CNTN5: variants seen among roughly 807,000 people sequenced by gnomAD.
CNTN5 encodes contactin-5.
Under a neutral mutation model 129.1 loss-of-function variants are expected in CNTN5, and 77 were observed. The observed-to-expected ratio is 0.60, with a 90% CI of 0.50 to 0.72. The LOEUF is 0.72. Among genes scored for constraint, CNTN5 ranks in the 30% least tolerant of loss-of-function variants. The probability of loss-of-function intolerance (pLI) is 0.00; values close to 1 mark genes in which losing one functional copy is unlikely to be tolerated. For synonymous variants in CNTN5, 509 were observed against 465.6 expected (o/e 1.09, Z -1.20); for missense variants, 1,478 against 1,328.8 (o/e 1.11, Z -1.75).
Position 99,846,129 on chromosome 11 carries a change from G to GACACACACACACACACACAC in CNTN5, c.577+880_577+899dup, listed in dbSNP as rs10650307. ...TATTGTATGTGGCTATACGGACATA[G>GACACACACACACACACACAC]ACACACACACACACACACACACACA... On this transcript the variant is annotated intron_variant, in intron 6 of 24. Transcript: ENST00000524871. 8.6e-4 allele frequency among the ~76,000 whole-genome samples: 124 copies of GACACACACACACACACACAC among 144,718 alleles called. 3 individuals carry two copies. Among genetic ancestry groups the GACACACACACACACACACAC allele is most frequent in the Middle Eastern group, 3.6e-3 (1 of 280 alleles). 94.9% of individuals were successfully genotyped at this position (144,718 alleles called of 152,430 possible). A position where few individuals can be genotyped will look rare whatever the true frequency, so the allele number is the denominator to read the frequency against.
chr11:99,522,373 G>C (rs1947304750), intron 2 of CNTN5, among the ~76,000 whole-genome samples: 1 of 151,990 alleles, frequency 6.6e-6, no homozygotes, highest in Admixed American at 6.6e-5. Flanking sequence ...TGAAGTATCA[G>C]GAACTAAGTG....
chr11:99,285,452 T>G (rs1303682135), intron 1 of CNTN5, among the ~76,000 whole-genome samples: 2 of 152,186 alleles, frequency 1.3e-5, no homozygotes, highest in Non-Finnish European at 2.9e-5. Flanking sequence ...GATTCATATT[T>G]GAATGTGTGC....
intron 3 of CNTN5, among the ~76,000 whole-genome samples, chr11:99,698,929 A>C (rs1272139810): frequency 5.0e-5 from 7 of 140,898 alleles, no homozygotes; most frequent in African/African-American, 1.8e-4. Context: ...AAAAAAAAAA[A>C]CTTGATTCTG....
At chr11:99,893,441 G>T (rs970318614) in intron 6 of CNTN5, among the ~76,000 whole-genome samples, 1 of 152,070 alleles carries the variant, frequency 6.6e-6, no homozygotes, top group Non-Finnish European at 1.5e-5. Flanking sequence ...AGAAAAAAAA[G>T]TTTGCGTTCA....
At chr11:100,201,579 C>T (rs1948777999) in intron 15 of CNTN5, among the ~76,000 whole-genome samples, 1 of 151,892 alleles carries the variant, frequency 6.6e-6, no homozygotes. Flanking sequence ...TAAGGGACTG[C>T]TGTTCACATC....
intron 20 of CNTN5, among the ~76,000 whole-genome samples, chr11:100,302,777 A>T (rs867209200): frequency 6.6e-6 from 1 of 151,626 alleles, no homozygotes; most frequent in Non-Finnish European, 1.5e-5. Flanking sequence ...ACATGCTTTT[A>T]TAAGTGTGTA....
intron 15 of CNTN5, among the ~76,000 whole-genome samples, chr11:100,211,174 T>A (rs1363820254): frequency 6.6e-6 from 1 of 152,136 alleles, no homozygotes; most frequent in African/African-American, 2.4e-5. Flanking sequence ...CTATTACAAT[T>A]ACTTTTAACA....
At chr11:99,537,275 G>T (rs1343892058) in intron 2 of CNTN5, among the ~76,000 whole-genome samples, 1 of 152,014 alleles carries the variant, frequency 6.6e-6, no homozygotes, top group African/African-American at 2.4e-5. Flanking sequence ...AGAATTTTTT[G>T]AAAATTACAG....
chr11:100,044,779 T>A (rs1180905429), intron 9 of CNTN5, among the ~76,000 whole-genome samples: 1 of 152,158 alleles, frequency 6.6e-6, no homozygotes, highest in East Asian at 1.9e-4. Context: ...TTTTTCAGGT[T>A]GTCTGTTCAC....
At chr11:100,115,611 T>A (rs1428267777) in intron 13 of CNTN5, among the ~76,000 whole-genome samples, 1 of 151,946 alleles carries the variant, frequency 6.6e-6, no homozygotes, top group Non-Finnish European at 1.5e-5. Context: ...TCTGTCTTCT[T>A]TTCCCAGAAG....
At chr11:99,274,215 A>T (rs1863316607) in intron 1 of CNTN5, among the ~76,000 whole-genome samples, 1 of 151,742 alleles carries the variant, frequency 6.6e-6, no homozygotes, top group African/African-American at 2.4e-5. Context: ...TAAGCTTATT[A>T]TATTTGCTTT....
intron 13 of CNTN5, among the ~76,000 whole-genome samples, chr11:100,107,360 A>C (rs1001583176): frequency 6.6e-6 from 1 of 152,050 alleles, no homozygotes; most frequent in Admixed American, 6.6e-5. Flanking sequence ...AGGTCAATAG[A>C]CTTAATGAAA....
intron 2 of CNTN5, among the ~76,000 whole-genome samples, chr11:99,483,702 T>C (rs1261050393): frequency 6.6e-6 from 1 of 151,960 alleles, no homozygotes; most frequent in Non-Finnish European, 1.5e-5. Context: ...GGGTGTGCTC[T>C]AATGACATTT....
At chr11:99,327,830 G>T (rs999601679) in intron 2 of CNTN5, among the ~76,000 whole-genome samples, 4 of 152,122 alleles carry the variant, frequency 2.6e-5, no homozygotes, top group Admixed American at 6.6e-5. Context: ...TATTAAAAGC[G>T]GTCCTGAGTT....
Position 99,392,658 on chromosome 11 carries a change from A to T in CNTN5, c.-71+67174A>T, listed in dbSNP as rs573305434. Among the ~76,000 whole-genome samples the T allele has an allele frequency of 2.0e-5, 3 of 152,028 alleles. No homozygotes were observed. The South Asian group carries it at 6.2e-4, about 31-fold the overall frequency. On this transcript the variant is annotated intron_variant, in intron 2 of 24. Transcript: ENST00000524871. ...AATGATGACAGTGTGTTTTCTCATA[A>T]TATATCAATCCAGAGACCACCTAAA...
chr11:100,354,173 C>G (rs74441744), intron 24 of CNTN5, among the ~76,000 whole-genome samples: 10,845 of 151,522 alleles, frequency 0.072, 578 homozygotes, highest in East Asian at 0.28. Context: ...TTATGAGGAT[C>G]AAATAAGATA....
chr11:100,184,760 T>A (rs913626947), intron 13 of CNTN5, among the ~76,000 whole-genome samples: 2 of 152,198 alleles, frequency 1.3e-5, no homozygotes, highest in African/African-American at 4.8e-5. Context: ...CTTTTCTATT[T>A]TCTAAAGTGC....
rs1174671905 is a variant in CNTN5 at position 99,933,840 on chromosome 11, G to A, written c.673+17691G>A. Among the ~76,000 whole-genome samples the A allele has an allele frequency of 2.0e-5, 3 of 152,128 alleles. No homozygotes were observed. In the East Asian group the frequency reaches 5.8e-4, roughly 29 times the overall value. On this transcript the variant is annotated intron_variant, in intron 7 of 24. Transcript: ENST00000524871. Reference sequence around the variant, plus strand: ...TACATTTCAGCTGTTTTCAATTTTTGACTATTATGAATAAAGCTGCTATGG... The same window carrying A: ...TACATTTCAGCTGTTTTCAATTTTTAACTATTATGAATAAAGCTGCTATGG...
intron 9 of CNTN5, among the ~76,000 whole-genome samples, chr11:100,010,861 C>G (rs866290580): frequency 6.6e-6 from 1 of 152,072 alleles, no homozygotes; most frequent in Non-Finnish European, 1.5e-5. Flanking sequence ...GTAAGGCTTA[C>G]GTCAAATGCC....
Sources: allele counts gnomAD v4.1 joint callset (sites outside exome capture counted in the v4.1 genomes callset), GRCh38; gene constraint gnomAD v4.1.1; transcripts MANE v1.5; gene names NCBI Gene and HGNC (gene_info 2026-07-23, HGNC 2026-07-21).